Variants in TUB observed in about 807,000 individuals in gnomAD.
The protein encoded by TUB is TUB bipartite transcription factor, also known as tubby protein homolog.
Under a neutral mutation model 59.7 loss-of-function variants are expected in TUB, and 33 were observed. The ratio of observed to expected loss-of-function variants is 0.55; its 90% CI spans 0.42 to 0.74. The LOEUF (loss-of-function observed/expected upper bound fraction) is 0.74. TUB is among the 30% of genes least tolerant of loss of function. The pLI is 0.00. For missense variants in TUB, 659 were observed against 672.0 expected, an observed-to-expected ratio of 0.98 and a Z score of 0.21; for synonymous variants, 293 against 256.4, an observed-to-expected ratio of 1.14 and a Z score of -1.36.
At chr11:8,049,812 T>G (rs1234834615) in intron 2 of TUB, among the ~76,000 whole-genome samples, 1 of 152,078 alleles carries the variant, frequency 6.6e-6, no homozygotes, top group African/African-American at 2.4e-5. Flanking sequence ...GACATTTTGA[T>G]TAATTTTCAT....
At chr11:8,025,042 A>G (rs1942481924) in intron 1 of TUB, among the ~76,000 whole-genome samples, 1 of 152,258 alleles carries the variant, frequency 6.6e-6, no homozygotes, top group Non-Finnish European at 1.5e-5. Context: ...ATATGCATTT[A>G]CTGAACACCT....
upstream of TUB, among the ~76,000 whole-genome samples, chr11:8,038,319 A>G (rs1243725706): frequency 6.6e-6 from 1 of 152,192 alleles, no homozygotes; most frequent in Non-Finnish European, 1.5e-5. Context: ...GGGAACACCC[A>G]GGTGCATTTC....
rs985926689 is a variant in TUB at position 8,105,485 on chromosome 11, G to A, written c.*3866G>A. 4 of 152,194 alleles carry A rather than the reference G, an allele frequency of 2.6e-5. No homozygotes were observed. Among genetic ancestry groups the A allele is most frequent in the South Asian group, 2.1e-4 (1 of 4,818 alleles). The allele number at this position is 152,194 out of a possible 1,614,324, so 9.4% of individuals were successfully genotyped here. A position where few individuals can be genotyped will look rare whatever the true frequency, so the allele number is the denominator to read the frequency against. ...GGGAGGGGCAGAACAGATAGATTAC[G>A]ACAGGTTTGGTTTTTAAATTTTCCA... is the stretch of plus-strand genomic sequence containing the variant. On this transcript the variant is annotated 3_prime_UTR_variant, in exon 12 of 12. Transcript: ENST00000299506.
At chr11:8,045,161 G>A (rs1255873733) in intron 2 of TUB, among the ~76,000 whole-genome samples, 1 of 152,010 alleles carries the variant, frequency 6.6e-6, no homozygotes, top group South Asian at 2.1e-4. Flanking sequence ...TCCTTTGGCA[G>A]CCAGCCTCCA....
At chr11:8,052,356 T>G (rs1294981787) in intron 2 of TUB, among the ~76,000 whole-genome samples, 1 of 152,162 alleles carries the variant, frequency 6.6e-6, no homozygotes, top group Admixed American at 6.5e-5. Context: ...AATTTTATAG[T>G]TTGTTTTATT....
rs376973696 is a variant in TUB at position 8,100,805 on chromosome 11, C to T, written c.1216-21C>T. ...TGGTGCCAAAGGCCTGGGCCTGGCT[C>T]AGGTGAGGCTGCCCTCCCAGGAGCA... On this transcript the variant is annotated intron_variant, in intron 10 of 11. Coordinates refer to ENST00000299506, the MANE Select transcript of TUB (RefSeq NM_177972.3). 2.0e-5 allele frequency: 33 copies of T among 1,612,354 alleles called. No individual in the cohort carries two copies. In the African/African-American group the frequency reaches 3.9e-4, roughly 19 times the overall value.
In TUB at chr11:8,098,867, G is replaced by C; in HGVS notation, c.1108G>C (p.Val370Leu). The part of the protein sequence containing the change: ...SGTLRQELAA[V>L]CYETNVLGFK... ...AACCTTACGTCAGGAGCTGGCAGCT[G>C]TGTGCTACGTGAGTCCTAGGTTCGG... The change falls in exon 9 of 12, where the codon GTG (valine) becomes CTG (leucine). Residue 370 changes from valine (V) to leucine (L), a missense_variant. Physicochemically the swap from Val to Leu is conservative, Grantham distance 32. This residue lies in a region of TUB where 226 missense variants were observed against 210.8 expected (regional missense o/e 1.07). Coordinates refer to ENST00000299506, the MANE Select transcript of TUB (RefSeq NM_177972.3). 1 of 1,612,644 alleles carries C rather than the reference G, an allele frequency of 6.2e-7. No homozygotes were observed. Among genetic ancestry groups the C allele is most frequent in the Non-Finnish European group, 8.5e-7 (1 of 1,178,656 alleles).
At chr11:8,033,856 C>T (rs1942609836), upstream of TUB, among the ~76,000 whole-genome samples, 1 of 152,260 alleles carries the variant, frequency 6.6e-6, no homozygotes. Context: ...GATTGGTTCA[C>T]AGAGAGAAGC....
At chr11:8,075,777 G>A (rs1157416507) in intron 2 of TUB, 4 of 152,192 alleles carry the variant, frequency 2.6e-5, no homozygotes, top group African/African-American at 9.7e-5. Flanking sequence ...ACGGTCTGCT[G>A]TAGGCCAGCT....
chr11:8,087,264 T>C (rs1323135271), intron 1 of TUB, among the ~76,000 whole-genome samples: 1 of 152,250 alleles, frequency 6.6e-6, no homozygotes, highest in African/African-American at 2.4e-5. Context: ...TCCCCTTTTC[T>C]AAATGACTCT....
chr11:8,057,645 C>G (rs1027361542), intron 2 of TUB, among the ~76,000 whole-genome samples: 2 of 152,004 alleles, frequency 1.3e-5, no homozygotes, highest in African/African-American at 2.4e-5. Flanking sequence ...TTGTCCCCTG[C>G]GAAGTCACGG....
At position 8,097,422 on chromosome 11, in the gene TUB, G is replaced by A; in HGVS notation, c.882G>A (p.Lys294=). The A allele has an allele frequency of 6.2e-7, 1 of 1,614,232 alleles. No homozygotes were observed. The highest frequency in any genetic ancestry group is 8.5e-7 in the Non-Finnish European group (1 of 1,180,040). The change falls in exon 7 of 12, where the codon AAG becomes AAA. Residue 294 remains lysine, a synonymous_variant. Coordinates refer to ENST00000299506, the MANE Select transcript of TUB (RefSeq NM_177972.3). ...YFLHLDREDG[K]KVFLLAGRKR... ...TGCACCTGGACCGTGAGGATGGGAA[G>A]AAGGTAAGGTTGGTCTGGGCATGTT...
exon 1 of TUB, chr11:8,019,290 G>A: frequency 7.9e-7 from 1 of 1,266,676 alleles, no homozygotes; most frequent in Non-Finnish European, 9.9e-7. Flanking sequence ...CCCGAGCGGA[G>A]CCGGAGGCGG....
intron 2 of TUB, among the ~76,000 whole-genome samples, chr11:8,064,026 G>A (rs964232747): frequency 3.9e-5 from 6 of 152,144 alleles, no homozygotes; most frequent in South Asian, 2.1e-4. Flanking sequence ...TGTCCCACAG[G>A]GATATGGCAG....
Position 8,095,642 on chromosome 11 carries a change from T to G in TUB, c.542T>G (p.Leu181Arg), listed in dbSNP as rs1435820510. ...GGCGAACGGCCCAGCGGGCAGGATCTCCGTGCCACGATGCAGAGGAAGGGT... is the reference window on the plus strand; with the variant it reads ...GGCGAACGGCCCAGCGGGCAGGATCGCCGTGCCACGATGCAGAGGAAGGGT... ...GGGERPSGQD[L>R]RATMQRKGIS... Residue 181 changes from leucine to arginine, a missense_variant, in exon 5 of 12, where the codon CTC becomes CGC. Physicochemically the swap from Leu to Arg is moderately radical, Grantham distance 102. This residue lies in a region of TUB where 321 missense variants were observed against 304.3 expected (regional missense o/e 1.05). Coordinates refer to ENST00000299506, the MANE Select transcript of TUB (RefSeq NM_177972.3). 6.2e-7 allele frequency: 1 copy of G among 1,606,046 alleles called. No individual in the cohort carries two copies. Among genetic ancestry groups the G allele is most frequent in the South Asian group, 1.1e-5 (1 of 89,752 alleles).
chr11:8,098,310 A>C (rs1944096564), intron 8 of TUB, among the ~76,000 whole-genome samples: 1 of 152,046 alleles, frequency 6.6e-6, no homozygotes, highest in African/African-American at 2.4e-5. Context: ...AGATTTGGGG[A>C]GCATAAATAA....
Position 8,090,099 on chromosome 11 carries a change from A to T in TUB, c.121A>T (p.Lys41Ter). The T allele has an allele frequency of 6.2e-7, 1 of 1,612,020 alleles. No individual in the cohort carries two copies. Among genetic ancestry groups the T allele is most frequent in the Non-Finnish European group, 8.5e-7 (1 of 1,179,126 alleles). The change falls in exon 3 of 12, where the codon AAG (lysine) becomes TAG (stop). Residue 41 changes from lysine (K) to a stop codon, truncating the protein, a stop_gained. Coordinates refer to ENST00000299506, the MANE Select transcript of TUB (RefSeq NM_177972.3). LOFTEE classifies it high-confidence loss of function. ...RALLEQKQKK[K>*]RQEPLMVQAN... The stretch of plus-strand genomic sequence containing the variant: ...CCTGCTGGAGCAGAAGCAGAAGAAG[A>T]AGCGCCAGGAGCCCCTGATGGTGCA...
At chr11:8,088,262 T>A (rs7480804) in intron 1 of TUB, among the ~76,000 whole-genome samples, 134,608 of 152,186 alleles carry the variant, frequency 0.88, 59,787 homozygotes, top group Middle Eastern at 0.97. Flanking sequence ...GCAGTCTGTG[T>A]TATGGGGGCT....
chr11:8,101,332 A>C (rs1247091912), intron 11 of TUB, among the ~76,000 whole-genome samples, 154 bp from the exon 12 acceptor site: 1 of 151,878 alleles, frequency 6.6e-6, no homozygotes, highest in Non-Finnish European at 1.5e-5. Flanking sequence ...ACTTCTCCCA[A>C]TTGGCCTTTG....
Sources: allele counts gnomAD v4.1 joint callset (sites outside exome capture counted in the v4.1 genomes callset), GRCh38; gene constraint gnomAD v4.1.1; regional missense constraint gnomAD v4.1.1; transcripts MANE v1.5; gene names NCBI Gene and HGNC (gene_info 2026-07-23, HGNC 2026-07-21).